The following GDAP1 variants were observed in gnomAD, a reference collection of about 807,000 sequenced individuals.
GDAP1 encodes ganglioside induced differentiation associated protein 1, also known as ganglioside-induced differentiation-associated protein 1.
In GDAP1, 34 loss-of-function variants were observed where a neutral mutation model predicts 40.1. That is an observed-to-expected ratio of 0.85 (90% CI 0.64 to 1.13). GDAP1 has a LOEUF of 1.13. Among genes scored for constraint, GDAP1 ranks in the 50% most tolerant of loss-of-function variants. The pLI is 0.00. For synonymous variants in GDAP1, 170 were observed against 157.4 expected, an observed-to-expected ratio of 1.08 and a Z score of -0.60; for missense variants, 374 against 433.7, an observed-to-expected ratio of 0.86 and a Z score of 1.22.
intron 2 of GDAP1, among the ~76,000 whole-genome samples, chr8:74,434,839 A>T (rs1013198032): frequency 1.3e-5 from 2 of 152,354 alleles, no homozygotes; most frequent in Non-Finnish European, 1.5e-5. Context: ...TATACAAAAA[A>T]AGTGCTCATC....
At position 74,478,508 on chromosome 8, in the gene GDAP1, G is replaced by A. The variant is rs182926694; in HGVS notation, c.166-10170G>A. 3.8e-3 allele frequency among the ~76,000 whole-genome samples: 585 copies of A among 152,210 alleles called. 15 individuals carry two copies. The highest frequency in any genetic ancestry group is 0.035 in the Admixed American group (531 of 15,292). ...CCAGGAGCTACCTGGAGGCTGCACCGCAAGCAGGCATGGCCAAGCTGGGGC... is the reference window on the plus strand; with the variant it reads ...CCAGGAGCTACCTGGAGGCTGCACCACAAGCAGGCATGGCCAAGCTGGGGC... On this transcript the variant is annotated intron_variant, in intron 2 of 2. Coordinates refer to the GDAP1 transcript ENST00000523640.
chr8:74,384,001 T>G (rs2131539600), intron 2 of GDAP1, among the ~76,000 whole-genome samples: 2 of 152,324 alleles, frequency 1.3e-5, no homozygotes, highest in Admixed American at 1.3e-4. Flanking sequence ...GGTGCAGATT[T>G]CCTGCCTCTG....
rs111871817 is a variant in GDAP1 at position 74,473,289 on chromosome 8, C to G, written c.166-15389C>G. Among the ~76,000 whole-genome samples, 802 of 152,184 alleles carry G rather than the reference C, an allele frequency of 5.3e-3. 4 individuals are homozygous for G. The highest frequency in any genetic ancestry group is 9.5e-3 in the Non-Finnish European group (649 of 67,996). On this transcript the variant is annotated intron_variant, in intron 2 of 2. Transcript: ENST00000523640. ...TAGTTCCTTTTGCTGTGCAGAAGCT[C>G]TTTAGTTTAATTAGATACCATTTGT...
chr8:74,371,285 A>G (rs192899052), downstream of GDAP1, among the ~76,000 whole-genome samples: 3 of 152,364 alleles, frequency 2.0e-5, no homozygotes, highest in African/African-American at 2.4e-5. Flanking sequence ...ATCAACAACT[A>G]AAATATTTTA....
At chr8:74,480,996 G>T (rs1806704245) in intron 2 of GDAP1, among the ~76,000 whole-genome samples, 1 of 152,146 alleles carries the variant, frequency 6.6e-6, no homozygotes, top group South Asian at 2.1e-4. Context: ...ACTAGTAGTT[G>T]ATATTTATAG....
At chr8:74,351,087 T>G (rs749637096) in intron 1 of GDAP1, among the ~76,000 whole-genome samples, 187 bp from the exon 2 acceptor site, 3 of 152,180 alleles carry the variant, frequency 2.0e-5, no homozygotes, top group Non-Finnish European at 4.4e-5. Flanking sequence ...TTATTTTGTG[T>G]TCTTCTCTTA....
chr8:74,371,614 C>T (rs11986914), downstream of GDAP1, among the ~76,000 whole-genome samples: 6,145 of 150,852 alleles, frequency 0.041, 410 homozygotes, highest in African/African-American at 0.14. Context: ...GAGCCGAGAT[C>T]GCGCCACTGC....
intron 3 of GDAP1, among the ~76,000 whole-genome samples, chr8:74,360,785 G>A (rs560152455): frequency 1.3e-5 from 2 of 152,326 alleles, no homozygotes; most frequent in South Asian, 4.1e-4. Flanking sequence ...TTGGGATTGA[G>A]TTGTGACATC....
intron 2 of GDAP1, among the ~76,000 whole-genome samples, chr8:74,388,459 G>A (rs1340941982): frequency 1.3e-5 from 2 of 152,078 alleles, no homozygotes; most frequent in Admixed American, 1.3e-4. Flanking sequence ...TTCAGGAGAA[G>A]GTTGTTCAGT....
In GDAP1 at chr8:74,412,027, A is replaced by G. The variant is rs576977005; in HGVS notation, c.165+60706A>G. Among the ~76,000 whole-genome samples, 83 of 150,152 alleles carry G rather than the reference A, an allele frequency of 5.5e-4. 9 individuals are homozygous for G. Among genetic ancestry groups the G allele is most frequent in the African/African-American group, 2.1e-3 (81 of 39,506 alleles). On this transcript the variant is annotated intron_variant, in intron 2 of 2. Transcript: ENST00000523640. ...GAAATTTGGAAACATTAAGGGTAGT[A>G]TTTTATTTTGAAAATGTCTTTAAAA...
intron 2 of GDAP1, among the ~76,000 whole-genome samples, chr8:74,397,285 A>T (rs1810224549): frequency 6.7e-6 from 1 of 150,068 alleles, no homozygotes; most frequent in South Asian, 2.1e-4. Context: ...GGTTGCAAAA[A>T]TTTTCTCCCA....
At chr8:74,432,084 C>T (rs893437654) in intron 2 of GDAP1, among the ~76,000 whole-genome samples, 1 of 152,144 alleles carries the variant, frequency 6.6e-6, no homozygotes, top group Non-Finnish European at 1.5e-5. Context: ...TATATGAATA[C>T]TGGAAGATAG....
At chr8:74,386,176 A>G (rs917636770) in intron 2 of GDAP1, among the ~76,000 whole-genome samples, 7 of 152,196 alleles carry the variant, frequency 4.6e-5, no homozygotes, top group African/African-American at 1.7e-4. Flanking sequence ...TTTGCTGTGC[A>G]GAAGCTCTTT....
chr8:74,427,805 C>G (rs1383573377), intron 2 of GDAP1, among the ~76,000 whole-genome samples: 4 of 152,164 alleles, frequency 2.6e-5, no homozygotes, highest in African/African-American at 7.2e-5. Context: ...ATGTACTTTT[C>G]TCTCCACAAT....
intron 2 of GDAP1, among the ~76,000 whole-genome samples, chr8:74,352,694 A>C (rs1313793114): frequency 2.0e-5 from 3 of 152,188 alleles, no homozygotes; most frequent in African/African-American, 7.2e-5. Context: ...TTTCATCTTT[A>C]TTTGCTATTC....
At chr8:74,360,332 C>G in intron 3 of GDAP1, 22 bp downstream of exon 3, 3 of 1,591,916 alleles carry the variant, frequency 1.9e-6, no homozygotes, top group Non-Finnish European at 2.6e-6. Context: ...TTTTAAAGAC[C>G]TGGAATTCTG....
At chr8:74,379,858 A>C (rs114536366) in intron 2 of GDAP1, among the ~76,000 whole-genome samples, 1,679 of 152,270 alleles carry the variant, frequency 0.011, 27 homozygotes, top group African/African-American at 0.038. Context: ...GACCTGCCTC[A>C]ATAGTAAAGA....
intron 2 of GDAP1, among the ~76,000 whole-genome samples, chr8:74,392,170 A>G (rs1423558537): frequency 2.0e-5 from 3 of 152,158 alleles, no homozygotes; most frequent in African/African-American, 7.2e-5. Context: ...GGCGCAATAA[A>G]ATCAGATCCA....
rs753958325 is a variant in GDAP1 at position 74,422,342 on chromosome 8, TTTCTTTCTTCCCTTCCTTCCTTCCTTCC to T, written c.166-66332_166-66305del. ...CTTTCTTTCTTTCTTTCTTTCTTTC[TTTCTTTCTTCCCTTCCTTCCTTCCTTCC>T]TTCCTTCCTTCCTTCCTTCCTTCCT... On this transcript the variant is annotated intron_variant, in intron 2 of 2. Coordinates refer to the GDAP1 transcript ENST00000523640. Among the ~76,000 whole-genome samples the T allele has an allele frequency of 9.0e-3, 499 of 55,302 alleles. 8 individuals carry two copies. The highest frequency in any genetic ancestry group is 0.023 in the African/African-American group (256 of 11,142). 36.3% of individuals were successfully genotyped at this position (55,302 alleles called of 152,430 possible).
Sources: gnomAD v4.1 joint callset for allele counts (sites outside exome capture counted in the v4.1 genomes callset) on GRCh38, gnomAD v4.1.1 for gene constraint, MANE v1.5 for transcripts, NCBI Gene and HGNC (gene_info 2026-07-23, HGNC 2026-07-21) for gene names.